Variants in SMS observed in about 807,000 individuals in gnomAD.
SMS encodes spermidine aminopropyltransferase.
A neutral mutation model predicts 33.0 loss-of-function variants in SMS; 3 were observed. The ratio of observed to expected loss-of-function variants is 0.09; its 90% CI spans 0.04 to 0.23. The LOEUF is 0.23. SMS is among the 10% of genes least tolerant of loss of function. The pLI is 1.00. For missense variants in SMS, 117 were observed against 288.6 expected (o/e 0.41, Z 4.31); for synonymous variants, 103 against 112.2 (o/e 0.92, Z 0.52).
At chrX:21,968,383 C>T (rs779616923) in intron 2 of SMS, among the ~76,000 whole-genome samples, 1 of 112,622 alleles carries the variant, frequency 8.9e-6, no homozygotes, top group Admixed American at 9.4e-5. Context: ...AGGGCCTGGA[C>T]ATCTGGATTT....
At chrX:21,942,144 C>A (rs1921857219) in intron 1 of SMS, among the ~76,000 whole-genome samples, 1 of 110,362 alleles carries the variant, frequency 9.1e-6, no homozygotes, top group Admixed American at 9.7e-5. Context: ...GAGTGTCTCG[C>A]TCATACCTTG....
intron 2 of SMS, among the ~76,000 whole-genome samples, chrX:21,970,841 A>G (rs1220243256): frequency 9.3e-6 from 1 of 107,371 alleles, no homozygotes; most frequent in Non-Finnish European, 1.9e-5. Context: ...TTCTTTACCT[A>G]TAATTTGTAG....
chrX:21,984,207 C>T, intron 7 of SMS, 97 bp from the exon 8 acceptor site: 1 of 609,223 alleles, frequency 1.6e-6, no homozygotes. Context: ...GATATAAGCC[C>T]ATACTTGGCG....
chrX:21,976,753 G>C (rs1352915495), intron 4 of SMS, among the ~76,000 whole-genome samples: 1 of 111,913 alleles, frequency 8.9e-6, no homozygotes, highest in East Asian at 2.8e-4. Context: ...TATGTAGATA[G>C]TCTTAAGAGA....
chrX:21,945,809 G>A (rs1015307777), intron 1 of SMS, among the ~76,000 whole-genome samples: 6 of 110,513 alleles, frequency 5.4e-5, no homozygotes, highest in African/African-American at 2.0e-4. Flanking sequence ...ATTTTTGGTA[G>A]AGATGGGGTT....
chrX:21,982,979 TAAG>T (rs778422246), intron 7 of SMS, among the ~76,000 whole-genome samples: 1 of 112,134 alleles, frequency 8.9e-6, no homozygotes, highest in South Asian at 3.7e-4. Context: ...TGTGAGGCTA[TAAG>T]AAGAATGATG....
intron 1 of SMS, among the ~76,000 whole-genome samples, chrX:21,959,139 G>A (rs780081374): frequency 2.1e-4 from 23 of 112,075 alleles, no homozygotes; most frequent in Non-Finnish European, 4.1e-4. Flanking sequence ...CTAGACATAG[G>A]GCTATAAAGC....
intron 7 of SMS, 90 bp downstream of exon 7, chrX:21,979,056 T>C (rs1924725226): frequency 1.6e-6 from 1 of 643,069 alleles, no homozygotes; most frequent in African/African-American, 2.2e-5. Context: ...GCTTTTAGTA[T>C]AGTTGGTTGA....
chrX:21,955,238 T>C (rs1922898036), intron 1 of SMS, among the ~76,000 whole-genome samples: 1 of 112,565 alleles, frequency 8.9e-6, no homozygotes, highest in Non-Finnish European at 1.9e-5. Flanking sequence ...GCTACAGTGC[T>C]CAGAAAGCAT....
At chrX:21,946,410 G>C (rs1360289119) in intron 1 of SMS, among the ~76,000 whole-genome samples, 2 of 112,771 alleles carry the variant, frequency 1.8e-5, no homozygotes, top group South Asian at 3.6e-4. Flanking sequence ...TAAGTGCCCT[G>C]AGTGCTTTGT....
intron 1 of SMS, among the ~76,000 whole-genome samples, chrX:21,950,245 A>G (rs1259088148): frequency 9.1e-6 from 1 of 110,372 alleles, no homozygotes; most frequent in Admixed American, 9.7e-5. Context: ...TTAACTGTAT[A>G]AGGCAGTAGC....
At chrX:21,980,577 T>A (rs1314953850) in intron 7 of SMS, among the ~76,000 whole-genome samples, 4 of 108,233 alleles carry the variant, frequency 3.7e-5, no homozygotes, top group African/African-American at 1.3e-4. Flanking sequence ...GAAACTTAGG[T>A]TGTGGTAAAT....
chrX:21,967,634 C>G (rs768412589), intron 2 of SMS, among the ~76,000 whole-genome samples: 6 of 111,735 alleles, frequency 5.4e-5, no homozygotes, highest in African/African-American at 2.0e-4. Context: ...GTGGCTTACT[C>G]CCCCAAGGGC....
At chrX:21,970,280 A>G (rs1028352957) in intron 2 of SMS, among the ~76,000 whole-genome samples, 5 of 109,818 alleles carry the variant, frequency 4.6e-5, no homozygotes, top group African/African-American at 1.7e-4. Context: ...CTGCCCCCGG[A>G]CCCCAGGCAC....
intron 1 of SMS, among the ~76,000 whole-genome samples, chrX:21,958,393 C>G (rs139475192): frequency 0.012 from 1,349 of 112,158 alleles, 26 homozygotes; most frequent in African/African-American, 0.041. Flanking sequence ...GCAACCTTGC[C>G]GTAAGTGGGA....
intron 9 of SMS, among the ~76,000 whole-genome samples, chrX:21,992,373 A>C (rs757393968): frequency 8.9e-6 from 1 of 112,695 alleles, no homozygotes; most frequent in Non-Finnish European, 1.9e-5. Flanking sequence ...TTCATATTCT[A>C]ATAATTTGAA....
At chrX:21,979,712 T>G (rs189077897) in intron 7 of SMS, among the ~76,000 whole-genome samples, 78 of 111,042 alleles carry the variant, frequency 7.0e-4, no homozygotes, top group African/African-American at 2.5e-3. Context: ...CCTTTGTATG[T>G]ATACCCAGTA....
chrX:21,980,429 A>AAATATATATAT lies in SMS; in HGVS notation c.750+1464_750+1465insATATATATATA, dbSNP rs1260210326. 1.9e-3 allele frequency among the ~76,000 whole-genome samples: 121 copies of AAATATATATAT among 63,029 alleles called. 1 individual carries two copies. Among genetic ancestry groups the AAATATATATAT allele is most frequent in the East Asian group, 7.2e-3 (11 of 1,538 alleles). The allele number at this position is 63,029 out of a possible 115,157, so 54.7% of individuals were successfully genotyped here. ...GAGACTGTCTCCAAAAAAAAAAAAA[A>AAATATATATAT]ATATATATATATATATATATATATT... On this transcript the variant is annotated intron_variant, in intron 7 of 10. Coordinates refer to ENST00000404933, the MANE Select transcript of SMS (RefSeq NM_004595.5).
At chrX:21,980,453 T>TATATATATATA (rs1169492039) in intron 7 of SMS, among the ~76,000 whole-genome samples, 1 of 99,949 alleles carries the variant, frequency 1.0e-5, no homozygotes, top group African/African-American at 3.6e-5. Context: ...TATATATATA[T>TATATATATATA]TTCCATCTAA....
Sources: gnomAD v4.1 joint callset for allele counts (sites outside exome capture counted in the v4.1 genomes callset) on GRCh38, gnomAD v4.1.1 for gene constraint, MANE v1.5 for transcripts, NCBI Gene and HGNC (gene_info 2026-07-23, HGNC 2026-07-21) for gene names.